Variants in INPP4B observed in about 807,000 individuals in gnomAD.
The protein encoded by INPP4B is inositol polyphosphate-4-phosphatase type II B.
A neutral mutation model predicts 122.5 loss-of-function variants in INPP4B; 55 were observed. That is an observed-to-expected ratio of 0.45 (90% confidence interval 0.36 to 0.56). The LOEUF (loss-of-function observed/expected upper bound fraction) is 0.56, where lower values mean the gene tolerates loss of function less well. Among genes scored for constraint, INPP4B ranks in the 20% least tolerant of loss-of-function variants. The pLI is 0.00. For missense variants in INPP4B, 1,000 were observed against 1,097.7 expected (o/e 0.91, Z 1.26); for synonymous variants, 403 against 388.7 (o/e 1.04, Z -0.43).
chr4:142,234,553 TCTC>T (rs1239205431), intron 12 of INPP4B, among the ~76,000 whole-genome samples: 1 of 152,152 alleles, frequency 6.6e-6, no homozygotes, highest in Non-Finnish European at 1.5e-5. Flanking sequence ...ATTTTAAAAA[TCTC>T]CTTTTCGTTA....
rs1784187644 is a variant in INPP4B, at chr4:142,846,194, C to T, written c.-254+15G>A. The T allele has an allele frequency of 6.6e-6, 1 of 152,462 alleles. No homozygotes were observed. The highest frequency in any genetic ancestry group is 6.5e-5 in the Admixed American group (1 of 15,298). 9.4% of individuals were successfully genotyped at this position (152,462 alleles called of 1,614,324 possible). On this transcript the variant is annotated intron_variant, in intron 1 of 25. Transcript: ENST00000262992. This position sits in a 1 kb window ranked among gnomAD's most constrained non-coding sequence, Gnocchi z 5.1. Reference sequence around the variant, plus strand: ...ATTCCCCCACCGAGCCCTAGGATCCCAGGCGGGTAATTACCTCTCCCGGAG... The same window carrying T: ...ATTCCCCCACCGAGCCCTAGGATCCTAGGCGGGTAATTACCTCTCCCGGAG...
intron 25 of INPP4B, among the ~76,000 whole-genome samples, chr4:142,042,417 G>A (rs1748259755): frequency 6.6e-6 from 1 of 152,020 alleles, no homozygotes; most frequent in Non-Finnish European, 1.5e-5. Flanking sequence ...GAATCTCAAG[G>A]AGGAAGTTTA....
chr4:142,031,470 G>A (rs1015067399), intron 25 of INPP4B, among the ~76,000 whole-genome samples: 5 of 152,168 alleles, frequency 3.3e-5, no homozygotes, highest in Non-Finnish European at 7.3e-5. Context: ...ATGAATTAGT[G>A]TAAAACACCA....
intron 25 of INPP4B, among the ~76,000 whole-genome samples, chr4:142,057,343 T>G (rs1476758157): frequency 3.3e-5 from 5 of 152,148 alleles, no homozygotes; most frequent in African/African-American, 1.2e-4. Context: ...TCAAGTTCTT[T>G]ATTGGCTGCC....
intron 2 of INPP4B, among the ~76,000 whole-genome samples, chr4:142,719,999 A>G (rs887547099): frequency 6.6e-6 from 1 of 152,228 alleles, no homozygotes; most frequent in Non-Finnish European, 1.5e-5. Context: ...ATACCCATCC[A>G]ATGATGGCAT....
intron 23 of INPP4B, among the ~76,000 whole-genome samples, chr4:142,098,060 GA>G (rs1225598958): frequency 1.3e-5 from 2 of 152,158 alleles, no homozygotes; most frequent in Non-Finnish European, 2.9e-5. Context: ...CAATTTTAAA[GA>G]GGGTGTTTAA....
intron 25 of INPP4B, among the ~76,000 whole-genome samples, chr4:142,048,405 G>A (rs1054064744): frequency 3.9e-5 from 6 of 152,112 alleles, no homozygotes; most frequent in African/African-American, 1.4e-4. Context: ...AGTTATCAGA[G>A]TGGGCTTAGG....
rs1417520264 is a variant in INPP4B, at chr4:142,026,922, G to A, written c.*1860C>T. On this transcript the variant is annotated 3_prime_UTR_variant, in exon 26 of 26. Coordinates refer to ENST00000262992, the MANE Select transcript of INPP4B (RefSeq NM_001101669.3). Reference sequence around the variant, plus strand: ...TAGAACTCAGACTACCATTTGATATGCTGAATGAGGCTTCATAGCTATTCA... The same window carrying A: ...TAGAACTCAGACTACCATTTGATATACTGAATGAGGCTTCATAGCTATTCA... 6.6e-6 allele frequency: 1 copy of A among 151,568 alleles called. No individual in the cohort carries two copies. The highest frequency in any genetic ancestry group is 6.6e-5 in the Admixed American group (1 of 15,172). The allele number at this position is 151,568 out of a possible 1,614,324, so 9.4% of individuals were successfully genotyped here. A position where few individuals can be genotyped will look rare whatever the true frequency, so the allele number is the denominator to read the frequency against.
At chr4:142,501,004 G>C (rs1408820197) in intron 2 of INPP4B, among the ~76,000 whole-genome samples, 2 of 152,164 alleles carry the variant, frequency 1.3e-5, no homozygotes, top group Non-Finnish European at 1.5e-5. Context: ...TTAAACATTT[G>C]TTAAAAGAGT....
At chr4:142,414,782 G>C (rs1191131386) in intron 5 of INPP4B, among the ~76,000 whole-genome samples, 1 of 152,150 alleles carries the variant, frequency 6.6e-6, no homozygotes. Context: ...TTCTAAGCTG[G>C]CCTAGCACCG....
chr4:142,829,293 A>C, intron 1 of INPP4B, among the ~76,000 whole-genome samples: 1 of 149,418 alleles, frequency 6.7e-6, no homozygotes, highest in East Asian at 2.0e-4. Flanking sequence ...GCAATCATAT[A>C]ATGACCCCTG....
intron 25 of INPP4B, among the ~76,000 whole-genome samples, chr4:142,062,939 T>C (rs1262802865): frequency 6.6e-6 from 1 of 152,186 alleles, no homozygotes; most frequent in African/African-American, 2.4e-5. Context: ...TGGGGAAATA[T>C]GTTAACTACA....
chr4:142,403,301 T>C (rs973275795), intron 6 of INPP4B, among the ~76,000 whole-genome samples: 3 of 152,230 alleles, frequency 2.0e-5, no homozygotes, highest in African/African-American at 7.2e-5. Context: ...CTTGAAAAAG[T>C]TTATTTTTAT....
chr4:142,132,829 T>C (rs1801984866), intron 18 of INPP4B, among the ~76,000 whole-genome samples: 1 of 152,212 alleles, frequency 6.6e-6, no homozygotes, highest in Admixed American at 6.5e-5. Flanking sequence ...CCTTTACAGC[T>C]CCTATACTTT....
intron 1 of INPP4B, among the ~76,000 whole-genome samples, chr4:142,839,517 C>T (rs1425571992): frequency 6.6e-6 from 1 of 152,160 alleles, no homozygotes; most frequent in South Asian, 2.1e-4. Flanking sequence ...ACTTAATTTA[C>T]CTAATGCCAA....
At chr4:142,504,365 G>C (rs556446708) in intron 2 of INPP4B, among the ~76,000 whole-genome samples, 1 of 152,088 alleles carries the variant, frequency 6.6e-6, no homozygotes, top group South Asian at 2.1e-4. Context: ...ATAATGGCAG[G>C]GATGTAGGAA....
intron 21 of INPP4B, among the ~76,000 whole-genome samples, chr4:142,120,895 T>A (rs567456613): frequency 6.6e-6 from 1 of 152,236 alleles, no homozygotes; most frequent in South Asian, 2.1e-4. Context: ...AGTTGTAATA[T>A]TCCTTTTGGA....
At chr4:142,254,712 C>A (rs1241252003) in intron 11 of INPP4B, among the ~76,000 whole-genome samples, 1 of 152,030 alleles carries the variant, frequency 6.6e-6, no homozygotes, top group Admixed American at 6.5e-5. Context: ...TGTGAAAAGA[C>A]CAAATCTACG....
intron 9 of INPP4B, among the ~76,000 whole-genome samples, chr4:142,278,635 C>A (rs74597515): frequency 6.6e-6 from 1 of 151,666 alleles, no homozygotes; most frequent in Non-Finnish European, 1.5e-5. Flanking sequence ...TCTCATGGCC[C>A]CAGGAAGAAA....
Sources: allele counts gnomAD v4.1 joint callset (sites outside exome capture counted in the v4.1 genomes callset), GRCh38; gene constraint gnomAD v4.1.1; non-coding constraint Gnocchi (gnomAD v3.1); transcripts MANE v1.5; gene names NCBI Gene and HGNC (gene_info 2026-07-23, HGNC 2026-07-21).